TAFA5: variants seen among roughly 807,000 people sequenced by gnomAD.
TAFA5 encodes the protein chemokine-like protein TAFA-5.
In TAFA5, 6 loss-of-function variants were observed where a neutral mutation model predicts 15.3. The observed-to-expected ratio is 0.39, with a 90% CI of 0.21 to 0.77. The LOEUF is 0.77. Among genes scored for constraint, TAFA5 ranks in the 30% least tolerant of loss-of-function variants. The probability of loss-of-function intolerance (pLI) is 0.41; values close to 1 mark genes in which losing one functional copy is unlikely to be tolerated. For synonymous variants in TAFA5, 103 were observed against 80.7 expected, an observed-to-expected ratio of 1.28 and a Z score of -1.48; for missense variants, 161 against 193.1, an observed-to-expected ratio of 0.83 and a Z score of 0.98.
At chr22:48,606,848 G>T in intron 1 of TAFA5, among the ~76,000 whole-genome samples, 1 of 152,214 alleles carries the variant, frequency 6.6e-6, no homozygotes, top group East Asian at 1.9e-4. Flanking sequence ...CAGACGCTGG[G>T]GTTCTGAGCC....
At chr22:48,619,469 C>T (rs932151503) in intron 1 of TAFA5, among the ~76,000 whole-genome samples, 1 of 152,226 alleles carries the variant, frequency 6.6e-6, no homozygotes, top group Non-Finnish European at 1.5e-5. Flanking sequence ...GATTCTCCTG[C>T]CTCAGCCTCC....
In TAFA5 at chr22:48,742,439, A is replaced by ACGGGTGGAG. The variant is rs1281303952; in HGVS notation, c.391-7392_391-7384dup. Reference sequence around the variant, plus strand: ...CCAGCCAGAGCAGGTGGGGCAGGAGACGGGTGGAGCGGGTGGTGCTGTGTG... The same window carrying ACGGGTGGAG: ...CCAGCCAGAGCAGGTGGGGCAGGAGACGGGTGGAGCGGGTGGAGCGGGTGGTGCTGTGTG... On this transcript the variant is annotated intron_variant, in intron 3 of 3. Transcript: ENST00000402357. This position sits in a 1 kb window ranked among gnomAD's most constrained non-coding sequence, Gnocchi z 6.2. Among the ~76,000 whole-genome samples the ACGGGTGGAG allele has an allele frequency of 6.6e-6, 1 of 152,170 alleles. No homozygotes were observed. The highest frequency in any genetic ancestry group is 1.5e-5 in the Non-Finnish European group (1 of 68,032).
At chr22:48,662,382 G>A (rs559905202) in intron 2 of TAFA5, among the ~76,000 whole-genome samples, 1 of 152,298 alleles carries the variant, frequency 6.6e-6, no homozygotes, top group East Asian at 1.9e-4. Flanking sequence ...AAATCTCTCT[G>A]CTGCTCTCTG....
chr22:48,702,395 T>C (rs1379039290), intron 2 of TAFA5, among the ~76,000 whole-genome samples: 1 of 151,994 alleles, frequency 6.6e-6, no homozygotes, highest in East Asian at 1.9e-4. Flanking sequence ...AGATCCAGTC[T>C]GGACAAACCC....
At chr22:48,652,094 G>T (rs1449798082) in intron 2 of TAFA5, among the ~76,000 whole-genome samples, 2 of 152,244 alleles carry the variant, frequency 1.3e-5, no homozygotes, top group Non-Finnish European at 2.9e-5. Flanking sequence ...GTTCTGAGAG[G>T]CTGGGCACAG....
intron 2 of TAFA5, among the ~76,000 whole-genome samples, chr22:48,663,043 G>GGGGATGCTT (rs1927500142): frequency 2.6e-5 from 4 of 152,356 alleles, no homozygotes; most frequent in African/African-American, 4.8e-5. Context: ...GGAGGGACGT[G>GGGGATGCTT]GGGATGCTTG....
intron 1 of TAFA5, among the ~76,000 whole-genome samples, chr22:48,595,479 C>T (rs191292224): frequency 3.3e-5 from 5 of 152,358 alleles, no homozygotes; most frequent in East Asian, 1.9e-4. Flanking sequence ...CAAGTGCTGC[C>T]GGTAGCTATG....
chr22:48,570,380 G>A (rs770468795), intron 1 of TAFA5, among the ~76,000 whole-genome samples: 7 of 152,114 alleles, frequency 4.6e-5, no homozygotes, highest in African/African-American at 7.2e-5. Flanking sequence ...TATACATGAC[G>A]CATATGGTAA....
At chr22:48,690,434 G>A (rs916842833) in intron 2 of TAFA5, among the ~76,000 whole-genome samples, 1 of 152,092 alleles carries the variant, frequency 6.6e-6, no homozygotes, top group Non-Finnish European at 1.5e-5. Context: ...TGTGCCCAGT[G>A]TGCAGCCTCC....
intron 1 of TAFA5, among the ~76,000 whole-genome samples, chr22:48,624,253 C>T (rs1179835920): frequency 6.6e-6 from 1 of 152,232 alleles, no homozygotes; most frequent in Non-Finnish European, 1.5e-5. Flanking sequence ...CTTCTCATCA[C>T]ATCCTATCGG....
intron 2 of TAFA5, chr22:48,693,454 A>G: frequency 6.3e-7 from 1 of 1,597,512 alleles, no homozygotes; most frequent in Non-Finnish European, 8.5e-7. Context: ...ACTCTTGCAG[A>G]TGGCTGTGAC....
intron 1 of TAFA5, among the ~76,000 whole-genome samples, chr22:48,500,243 G>A (rs768217189): frequency 1.4e-4 from 21 of 152,042 alleles, no homozygotes; most frequent in Non-Finnish European, 2.4e-4. Flanking sequence ...TAATGCAGAT[G>A]GCAGGCTCGT....
intron 1 of TAFA5, among the ~76,000 whole-genome samples, chr22:48,610,306 G>T (rs114074907): frequency 6.6e-6 from 1 of 152,212 alleles, no homozygotes; most frequent in South Asian, 2.1e-4. Context: ...CCCGTTGCTC[G>T]TGATTCTTTC....
intron 1 of TAFA5, among the ~76,000 whole-genome samples, chr22:48,587,963 G>A (rs925238777): frequency 6.6e-6 from 1 of 152,200 alleles, no homozygotes; most frequent in African/African-American, 2.4e-5. Flanking sequence ...CCAGCTAGGC[G>A]GGCTCCTTGT....
intron 3 of TAFA5, among the ~76,000 whole-genome samples, chr22:48,748,455 G>C (rs139506140): frequency 1.6e-3 from 242 of 152,354 alleles, no homozygotes; most frequent in African/African-American, 5.4e-3. Context: ...GGCAGAGAGG[G>C]CTGGCTGGGC....
chr22:48,557,783 C>T (rs1279112325), intron 1 of TAFA5, among the ~76,000 whole-genome samples: 1 of 152,218 alleles, frequency 6.6e-6, no homozygotes, highest in Admixed American at 6.5e-5. Flanking sequence ...GATCATTGTT[C>T]AGGGAGGGCT....
At chr22:48,508,305 G>A (rs1305510513) in intron 1 of TAFA5, among the ~76,000 whole-genome samples, 1 of 152,188 alleles carries the variant, frequency 6.6e-6, no homozygotes, top group Non-Finnish European at 1.5e-5. Context: ...AGTAGGCGGG[G>A]GTGCAGCCAG....
intron 3 of TAFA5, among the ~76,000 whole-genome samples, chr22:48,708,127 G>T (rs918299181): frequency 1.8e-4 from 28 of 152,176 alleles, no homozygotes; most frequent in Admixed American, 5.9e-4. Context: ...ACCAGGTCTC[G>T]AAACCCCCTG....
In TAFA5 at chr22:48,735,824, G is replaced by A. The variant is rs374971186; in HGVS notation, c.391-14015G>A. Among the ~76,000 whole-genome samples, 13 of 140,762 alleles carry A rather than the reference G, an allele frequency of 9.2e-5. No individual in the cohort carries two copies. In the East Asian group the frequency reaches 2.5e-3, roughly 27 times the overall value. 92.3% of individuals were successfully genotyped at this position (140,762 alleles called of 152,430 possible). On this transcript the variant is annotated intron_variant, in intron 3 of 3. Coordinates refer to ENST00000402357, the MANE Select transcript of TAFA5 (RefSeq NM_001082967.3). Reference sequence around the variant, plus strand: ...GAGAATCACACTCCTAGAGTCCAGAGTCCATCCCCCCAGGAGGAATGAGAA... The same window carrying A: ...GAGAATCACACTCCTAGAGTCCAGAATCCATCCCCCCAGGAGGAATGAGAA...
Sources: allele counts gnomAD v4.1 joint callset (sites outside exome capture counted in the v4.1 genomes callset), GRCh38; gene constraint gnomAD v4.1.1; non-coding constraint Gnocchi (gnomAD v3.1); transcripts MANE v1.5; gene names NCBI Gene and HGNC (gene_info 2026-07-23, HGNC 2026-07-21).